The following ARID1A variants were observed in gnomAD, a reference collection of about 807,000 sequenced individuals.
ARID1A encodes AT-rich interaction domain 1A.
Under a neutral mutation model 212.6 loss-of-function variants are expected in ARID1A, and 20 were observed. The observed-to-expected ratio is 0.09, with a 90% CI of 0.07 to 0.14. ARID1A has a LOEUF of 0.14. Ranked by LOEUF, ARID1A falls within the 10% of genes least tolerant of loss-of-function variation. The pLI is 1.00. For missense variants in ARID1A, 2,587 were observed against 3,059.0 expected (o/e 0.85, Z 3.64); for synonymous variants, 1,376 against 1,222.1 (o/e 1.13, Z -2.63).
intron 1 of ARID1A, among the ~76,000 whole-genome samples, chr1:26,706,034 C>T (rs1344121297): frequency 2.6e-5 from 4 of 152,132 alleles, no homozygotes; most frequent in Non-Finnish European, 5.9e-5. Context: ...TTTTGTCACC[C>T]TCCAGGAAGT....
chr1:26,760,736 C>T lies in ARID1A; in HGVS notation c.1921-120C>T, dbSNP rs183437367. On this transcript the variant is annotated intron_variant, in intron 4 of 19. Transcript: ENST00000324856. ...TAAAAATAGTATCATGACTAAAGAA[C>T]GTGTGTGATGTATTTGCTCTTGGTT... The T allele has an allele frequency of 2.3e-4, 242 of 1,055,680 alleles. 3 individuals are homozygous for T. Among genetic ancestry groups the T allele is most frequent in the Admixed American group, 1.9e-3 (72 of 37,578 alleles). The allele number at this position is 1,055,680 out of a possible 1,614,324, so 65.4% of individuals were successfully genotyped here.
chr1:26,771,499 T>G lies in ARID1A; in HGVS notation c.3406+173T>G, dbSNP rs2081082373. On this transcript the variant is annotated intron_variant, in intron 12 of 19. Coordinates refer to ENST00000324856, the MANE Select transcript of ARID1A (RefSeq NM_006015.6). The surrounding 1 kb of genome is among the most constrained non-coding windows in gnomAD (Gnocchi z 5.4). ...TGACTAGAGAGTGGGCAGTGGAAAC[T>G]CCCTTGGGAGGTACTCTACGGCAGC... is the stretch of plus-strand genomic sequence containing the variant. 7 of 674,178 alleles carry G rather than the reference T, an allele frequency of 1.0e-5. No homozygotes were observed. The East Asian group carries it at 1.9e-4, about 18-fold the overall frequency. 41.8% of individuals were successfully genotyped at this position (674,178 alleles called of 1,614,324 possible). A position where few individuals can be genotyped will look rare whatever the true frequency, so the allele number is the denominator to read the frequency against.
At position 26,773,005 on chromosome 1, in the gene ARID1A, T is replaced by G. The variant is rs774090255; in HGVS notation, c.3715+18T>G. 2 of 1,595,712 alleles carry G rather than the reference T, an allele frequency of 1.3e-6. No individual in the cohort carries two copies. The highest frequency in any genetic ancestry group is 1.7e-6 in the Non-Finnish European group (2 of 1,166,474). ...GAGGAAAGGTGACTGATCTGATTGC[T>G]ATTTGAACTTGTGCTCGTAAAGACA... On this transcript the variant is annotated intron_variant, in intron 14 of 19. Coordinates refer to ENST00000324856, the MANE Select transcript of ARID1A (RefSeq NM_006015.6).
chr1:26,779,170 C>A lies in ARID1A; in HGVS notation c.5272C>A (p.Pro1758Thr). Reference protein sequence around the residue: ...GRFSKVSSPAPMEGGEEEEEL... With the variant: ...GRFSKVSSPATMEGGEEEEEL... ...GTTCAGCAAGGTGTCTAGTCCAGCT[C>A]CCATGGAGGGTGGGGAAGAAGAAGA... The change falls in exon 20 of 20, where the codon CCC (proline) becomes ACC (threonine). Residue 1758 changes from proline (P) to threonine (T), a missense_variant. Physicochemically the swap from Pro to Thr is conservative, Grantham distance 38. Around this residue, in one of 11 missense-constraint regions of ARID1A, gnomAD observed 890 missense variants for 1,098.2 expected, o/e 0.81. Transcript: ENST00000324856. 6.2e-7 allele frequency: 1 copy of A among 1,605,852 alleles called. No homozygotes were observed. The highest frequency in any genetic ancestry group is 8.5e-7 in the Non-Finnish European group (1 of 1,175,354).
intron 4 of ARID1A, among the ~76,000 whole-genome samples, chr1:26,750,165 A>G (rs1015613000): frequency 2.0e-5 from 3 of 152,186 alleles, no homozygotes; most frequent in South Asian, 2.1e-4. Context: ...TGCCCTGCCT[A>G]TAGGGTGAGA....
chr1:26,766,596 C>T (rs2081041763), intron 10 of ARID1A, 30 bp downstream of exon 10: 1 of 1,562,946 alleles, frequency 6.4e-7, no homozygotes. Flanking sequence ...CTCCTTTCAA[C>T]TTTGTGTCCT....
At chr1:26,705,017 C>T (rs529139761) in intron 1 of ARID1A, among the ~76,000 whole-genome samples, 15 of 152,226 alleles carry the variant, frequency 9.9e-5, no homozygotes, top group Middle Eastern at 3.4e-3. Flanking sequence ...GGCACTTCAC[C>T]GGTCAAGGAT....
rs2081199663 is a variant in ARID1A at position 26,781,925 on chromosome 1, C to T, written c.*1169C>T. ...CAGTTGAAGTTCTGATGAAGAAACA[C>T]AATTGAGATTTTTTCAGTGATAAAA... On this transcript the variant is annotated 3_prime_UTR_variant, in exon 20 of 20. Coordinates refer to ENST00000324856, the MANE Select transcript of ARID1A (RefSeq NM_006015.6). 1.3e-5 allele frequency: 3 copies of T among 233,484 alleles called. No individual in the cohort carries two copies. The highest frequency in any genetic ancestry group is 2.5e-5 in the Non-Finnish European group (3 of 117,998). The allele number at this position is 233,484 out of a possible 1,614,324, so 14.5% of individuals were successfully genotyped here. A position where few individuals can be genotyped will look rare whatever the true frequency, so the allele number is the denominator to read the frequency against.
chr1:26,708,266 CTTTTTTTTTTTTTTTTTTTTTTTTTTTTT>C (rs397860721), intron 1 of ARID1A, among the ~76,000 whole-genome samples: 1 of 23,740 alleles, frequency 4.2e-5, no homozygotes, highest in South Asian at 3.0e-3. Flanking sequence ...CAGTCCTTCA[CTTTTTTTTTTTTTTTTTTTTTTTTTTTTT>C]TTTTTTTGAG....
chr1:26,708,473 A>G (rs908792581), intron 1 of ARID1A, among the ~76,000 whole-genome samples: 3 of 148,426 alleles, frequency 2.0e-5, no homozygotes, highest in Non-Finnish European at 4.5e-5. Flanking sequence ...TTTAGTAGAG[A>G]TGGGGTTTCA....
At chr1:26,716,148 G>C (rs2080500321) in intron 1 of ARID1A, among the ~76,000 whole-genome samples, 1 of 150,496 alleles carries the variant, frequency 6.6e-6, no homozygotes, top group Admixed American at 6.6e-5. Context: ...AGAGGTTGCA[G>C]TGAGCCAAGA....
chr1:26,775,214 G>T lies in ARID1A; in HGVS notation c.4987G>T (p.Asp1663Tyr), dbSNP rs919554208. 6.3e-7 allele frequency: 1 copy of T among 1,586,172 alleles called. No homozygotes were observed. Among genetic ancestry groups the T allele is most frequent in the Non-Finnish European group, 8.6e-7 (1 of 1,167,112 alleles). ...GCAGAGGAGGCGGCTCACAATGAAA[G>T]ACATTGGTAAGGAGATCTTCCTCAT... ...LKQRRRLTMK[D>Y]IGTPEAWRVM... The change falls in exon 18 of 20, where the codon GAC (aspartate) becomes TAC (tyrosine). Residue 1663 changes from aspartate to tyrosine, a missense_variant. Asp to Tyr is a radical substitution (Grantham distance 160, BLOSUM62 -3). Transcript: ENST00000324856.
Position 26,775,103 on chromosome 1 carries a change from G to A in ARID1A, c.4876G>A (p.Ala1626Thr), listed in dbSNP as rs749910396. 12 of 1,612,832 alleles carry A rather than the reference G, an allele frequency of 7.4e-6. No homozygotes were observed. In the South Asian group the frequency reaches 1.1e-4, roughly 15 times the overall value. The stretch of plus-strand genomic sequence containing the variant: ...TCCCCCAGTACCTGCCTCGCACATA[G>A]CACCTGCCCCTGTGCAGCCCCCCAT... ...AGPPVPASHI[A>T]PAPVQPPMIR... The change falls in exon 18 of 20, where the codon GCA becomes ACA. Residue 1626 changes from alanine to threonine, a missense_variant. Ala to Thr is a moderately conservative substitution (Grantham distance 58). Transcript: ENST00000324856.
At chr1:26,733,682 G>A (rs1015967657) in intron 4 of ARID1A, among the ~76,000 whole-genome samples, 27 of 152,136 alleles carry the variant, frequency 1.8e-4, no homozygotes, top group African/African-American at 6.0e-4. Context: ...AATAAAATAG[G>A]CTACTCTGAA....
In ARID1A at chr1:26,767,776, C is replaced by T. The variant is rs2124085707; in HGVS notation, c.2989-14C>T. 3.1e-6 allele frequency: 5 copies of T among 1,604,194 alleles called. No homozygotes were observed. The highest frequency in any genetic ancestry group is 4.3e-6 in the Non-Finnish European group (5 of 1,172,828). On this transcript the variant is annotated splice_polypyrimidine_tract_variant and intron_variant, in intron 10 of 19. Transcript: ENST00000324856. ...TCTGACCCATTCCTATGAATTTTGA[C>T]CTGAACCTTCCAGAAATCCAGTTCT...
intron 19 of ARID1A, 108 bp downstream of exon 19, chr1:26,775,815 A>G (rs1352066148): frequency 5.3e-6 from 8 of 1,521,686 alleles, no homozygotes; most frequent in East Asian, 2.3e-5. Flanking sequence ...TCTCTCTTGT[A>G]GATATCTTCC....
intron 1 of ARID1A, among the ~76,000 whole-genome samples, chr1:26,699,387 C>T (rs1031457294): frequency 2.6e-5 from 4 of 152,164 alleles, no homozygotes; most frequent in Admixed American, 6.5e-5. Context: ...GAGGGGGAAG[C>T]TCCATTCATC....
Position 26,696,739 on chromosome 1 carries a change from C to T in ARID1A, c.336C>T (p.Ala112=). Residue 112 remains alanine, a synonymous_variant, in exon 1 of 20, where the codon GCC becomes GCT. Transcript: ENST00000324856. ...NSNGNAGPRP[A]LNNNLTEPPG... ...ACGGGAACGCGGGCCCTAGGCCCGC[C>T]CTGAACAATAACCTCACGGAGCCGC... The T allele has an allele frequency of 1.5e-6, 2 of 1,375,720 alleles. No homozygotes were observed. The highest frequency in any genetic ancestry group is 1.9e-6 in the Non-Finnish European group (2 of 1,067,326). 85.2% of individuals were successfully genotyped at this position (1,375,720 alleles called of 1,614,324 possible). A position where few individuals can be genotyped will look rare whatever the true frequency, so the allele number is the denominator to read the frequency against.
At chr1:26,724,421 T>C (rs2080597251) in intron 1 of ARID1A, among the ~76,000 whole-genome samples, 1 of 152,206 alleles carries the variant, frequency 6.6e-6, no homozygotes, top group Non-Finnish European at 1.5e-5. Flanking sequence ...AGTTGGACTT[T>C]TATTTAAATA....
Sources: allele counts gnomAD v4.1 joint callset (sites outside exome capture counted in the v4.1 genomes callset), GRCh38; gene constraint gnomAD v4.1.1; regional missense constraint gnomAD v4.1.1; non-coding constraint Gnocchi (gnomAD v3.1); transcripts MANE v1.5; gene names NCBI Gene and HGNC (gene_info 2026-07-23, HGNC 2026-07-21).